Variants in DCP2 observed in about 807,000 individuals in gnomAD.
DCP2 encodes the protein m7GpppN-mRNA hydrolase.
DCP2 carries 30 observed loss-of-function variants against 56.1 expected under a neutral mutation model. The observed-to-expected ratio is 0.53, with a 90% CI of 0.40 to 0.73. DCP2 has a LOEUF of 0.73. DCP2 is among the 30% of genes least tolerant of loss of function. DCP2 has a pLI of 0.00. For missense variants in DCP2, 533 were observed against 502.7 expected, an observed-to-expected ratio of 1.06 and a Z score of -0.58; for synonymous variants, 197 against 163.3, an observed-to-expected ratio of 1.21 and a Z score of -1.57.
At chr5:113,003,410 TG>T (rs1193593799) in intron 7 of DCP2, among the ~76,000 whole-genome samples, 1 of 152,090 alleles carries the variant, frequency 6.6e-6, no homozygotes, top group Non-Finnish European at 1.5e-5. Context: ...GTAACTGACT[TG>T]TGCAGGGTCA....
rs766429852 is a variant in DCP2, at chr5:112,976,822, G to C, written c.-112G>C. The stretch of plus-strand genomic sequence containing the variant: ...TCTCGTCTCCGTTGGAGTCGTCTCT[G>C]CCGCGGCTTCCTCGGCTGCCAGCTC... On this transcript the variant is annotated 5_prime_UTR_variant, in exon 1 of 11. Transcript: ENST00000389063. 6 of 1,105,096 alleles carry C rather than the reference G, an allele frequency of 5.4e-6. No homozygotes were observed. Among genetic ancestry groups the C allele is most frequent in the Non-Finnish European group, 8.4e-6 (6 of 715,114 alleles). 68.5% of individuals were successfully genotyped at this position (1,105,096 alleles called of 1,614,324 possible).
At chr5:112,984,722 A>ATATATATATATG (rs1328543744) in intron 1 of DCP2, 26 of 134,310 alleles carry the variant, frequency 1.9e-4, no homozygotes, top group African/African-American at 7.4e-4. Flanking sequence ...ATATATATAT[A>ATATATATATATG]TATTTGAGAC....
chr5:112,988,231 C>T (rs1379985854), intron 2 of DCP2, among the ~76,000 whole-genome samples: 1 of 151,726 alleles, frequency 6.6e-6, no homozygotes, highest in African/African-American at 2.4e-5. Flanking sequence ...GCCTGTAATC[C>T]CAGCACTTTG....
chr5:113,016,267 C>T lies in DCP2; in HGVS notation c.*2783C>T, dbSNP rs1238159824. 1 of 152,592 alleles carries T rather than the reference C, an allele frequency of 6.6e-6. No individual in the cohort carries two copies. The highest frequency in any genetic ancestry group is 1.5e-5 in the Non-Finnish European group (1 of 68,030). 9.5% of individuals were successfully genotyped at this position (152,592 alleles called of 1,614,324 possible). A position where few individuals can be genotyped will look rare whatever the true frequency, so the allele number is the denominator to read the frequency against. Reference sequence around the variant, plus strand: ...TTAGGATTTCAAATAGTGATACCCTCCTGAGACATGAGCATTTGGAGAGGC... The same window carrying T: ...TTAGGATTTCAAATAGTGATACCCTTCTGAGACATGAGCATTTGGAGAGGC... On this transcript the variant is annotated 3_prime_UTR_variant, in exon 11 of 11. Coordinates refer to ENST00000389063, the MANE Select transcript of DCP2 (RefSeq NM_152624.6).
chr5:112,995,616 G>A (rs201380707), intron 4 of DCP2, among the ~76,000 whole-genome samples: 3 of 152,066 alleles, frequency 2.0e-5, no homozygotes, highest in Non-Finnish European at 2.9e-5. Context: ...GAATTTTTTC[G>A]TTTTCATAAT....
At chr5:112,992,931 T>A (rs1413318558) in intron 4 of DCP2, among the ~76,000 whole-genome samples, 161 bp downstream of exon 4, 1 of 152,106 alleles carries the variant, frequency 6.6e-6, no homozygotes, top group Non-Finnish European at 1.5e-5. Context: ...CTGTTGATTG[T>A]TTTATCCACA....
At chr5:112,989,395 A>C (rs1385205276) in intron 2 of DCP2, among the ~76,000 whole-genome samples, 1 of 151,952 alleles carries the variant, frequency 6.6e-6, no homozygotes, top group African/African-American at 2.4e-5. Flanking sequence ...AGTGATCAAT[A>C]AATGTTAATG....
In DCP2 at chr5:113,021,279, A is replaced by G. The variant is rs1465070356; in HGVS notation, c.*7795A>G. Among the ~76,000 whole-genome samples, 12 of 151,356 alleles carry G rather than the reference A, an allele frequency of 7.9e-5. 1 individual carries two copies. The highest frequency in any genetic ancestry group is 1.5e-4 in the Non-Finnish European group (10 of 67,928). On this transcript the variant is annotated 3_prime_UTR_variant, in exon 11 of 11. Transcript: ENST00000389063. ...CTACTTGGGAGGCTGAGGCAGGAGA[A>G]TCTCTTGACCCCGGGAGGCAGAGGT... is the stretch of plus-strand genomic sequence containing the variant.
rs1476574040 is a variant in DCP2 at position 113,015,294 on chromosome 5, A to G, written c.*1810A>G. On this transcript the variant is annotated 3_prime_UTR_variant, in exon 11 of 11. Coordinates refer to ENST00000389063, the MANE Select transcript of DCP2 (RefSeq NM_152624.6). ...ATGTAGTTTGCCTGGCAGATGAATAATTTTCACTCATTTATTGTCTTCTGG... is the reference window on the plus strand; with the variant it reads ...ATGTAGTTTGCCTGGCAGATGAATAGTTTTCACTCATTTATTGTCTTCTGG... 1.3e-5 allele frequency: 2 copies of G among 151,642 alleles called. No homozygotes were observed. The highest frequency in any genetic ancestry group is 2.9e-5 in the Non-Finnish European group (2 of 67,922). 9.4% of individuals were successfully genotyped at this position (151,642 alleles called of 1,614,324 possible). A position where few individuals can be genotyped will look rare whatever the true frequency, so the allele number is the denominator to read the frequency against.
chr5:113,012,835 G>C (rs958135366), intron 10 of DCP2, among the ~76,000 whole-genome samples: 1 of 151,728 alleles, frequency 6.6e-6, no homozygotes, highest in East Asian at 2.0e-4. Flanking sequence ...GTAGAGATGG[G>C]GTTTCACCAT....
rs893610676 is a variant in DCP2 at position 113,018,382 on chromosome 5, T to G, written c.*4898T>G. ...AAAAACATTCCATTTATCTTGGATCTTCTGTGGTTAGCAGAGGAGTATGGT... is the reference window on the plus strand; with the variant it reads ...AAAAACATTCCATTTATCTTGGATCGTCTGTGGTTAGCAGAGGAGTATGGT... On this transcript the variant is annotated 3_prime_UTR_variant, in exon 11 of 11. Transcript: ENST00000389063. The G allele has an allele frequency of 6.6e-6, 1 of 152,228 alleles. No homozygotes were observed. The highest frequency in any genetic ancestry group is 2.4e-5 in the African/African-American group (1 of 41,462). The allele number at this position is 152,228 out of a possible 1,614,324, so 9.4% of individuals were successfully genotyped here.
chr5:113,004,952 C>T (rs529853966), intron 8 of DCP2, among the ~76,000 whole-genome samples: 12 of 151,850 alleles, frequency 7.9e-5, no homozygotes, highest in Admixed American at 1.3e-4. Context: ...GGTGAAACCC[C>T]GTCTTTACTA....
intron 10 of DCP2, 67 bp downstream of exon 10, chr5:113,010,874 A>T (rs1749655760): frequency 4.7e-6 from 7 of 1,496,302 alleles, no homozygotes; most frequent in Non-Finnish European, 6.3e-6. Context: ...CCTAACTTTG[A>T]TTTTAGTGGG....
chr5:112,998,453 T>G (rs1396244167), intron 4 of DCP2, among the ~76,000 whole-genome samples: 1 of 152,242 alleles, frequency 6.6e-6, no homozygotes, highest in Non-Finnish European at 1.5e-5. Context: ...ACTCTCCTCC[T>G]ACCTCATAAT....
At chr5:112,988,494 T>TTAAA (rs1554099374) in intron 2 of DCP2, among the ~76,000 whole-genome samples, 1 of 82,452 alleles carries the variant, frequency 1.2e-5, no homozygotes, top group African/African-American at 5.0e-5. Context: ...TGTGTCTTAA[T>TTAAA]AAAAAAAAAA....
At chr5:112,990,813 A>G (rs1056024297) in intron 2 of DCP2, among the ~76,000 whole-genome samples, 1 of 152,212 alleles carries the variant, frequency 6.6e-6, no homozygotes, top group African/African-American at 2.4e-5. Flanking sequence ...TACTACAACT[A>G]TGAAACAAAT....
chr5:113,007,909 T>A (rs1386331367), intron 8 of DCP2, 29 bp from the exon 9 acceptor site: 10 of 1,583,706 alleles, frequency 6.3e-6, no homozygotes, highest in South Asian at 1.1e-5. Context: ...TGCTATAGAT[T>A]CATATTATAT....
intron 2 of DCP2, among the ~76,000 whole-genome samples, chr5:112,986,891 T>C (rs1254153884): frequency 6.6e-6 from 1 of 152,172 alleles, no homozygotes; most frequent in Non-Finnish European, 1.5e-5. Flanking sequence ...TGGTCCCATC[T>C]GCTCGGGAGG....
chr5:112,996,239 C>T (rs376729072), intron 4 of DCP2, among the ~76,000 whole-genome samples: 15 of 152,162 alleles, frequency 9.9e-5, no homozygotes, highest in African/African-American at 1.4e-4. Context: ...AGAAGCTGCA[C>T]GGCTTGACCG....
Sources: allele counts gnomAD v4.1 joint callset (sites outside exome capture counted in the v4.1 genomes callset), GRCh38; gene constraint gnomAD v4.1.1; transcripts MANE v1.5; gene names NCBI Gene and HGNC (gene_info 2026-07-23, HGNC 2026-07-21).